ZNF845: variants seen among roughly 807,000 people sequenced by gnomAD.
The protein encoded by ZNF845 is zinc finger protein 845.
In ZNF845, 59 loss-of-function variants were observed where a neutral mutation model predicts 76.1. The observed-to-expected ratio is 0.78, with a 90% CI of 0.63 to 0.96. ZNF845 has a LOEUF of 0.96. ZNF845 is among the 40% of genes least tolerant of loss of function. The pLI is 0.00. For synonymous variants in ZNF845, 361 were observed against 386.9 expected (o/e 0.93, Z 0.78); for missense variants, 1,045 against 1,172.8 (o/e 0.89, Z 1.59).
chr19:53,345,818 G>A (rs1345743555), intron 3 of ZNF845, among the ~76,000 whole-genome samples, 186 bp downstream of exon 3: 1 of 151,050 alleles, frequency 6.6e-6, no homozygotes, highest in Non-Finnish European at 1.5e-5. Flanking sequence ...CCAGTAGCTG[G>A]TACAGGTGCA....
chr19:53,333,894 T>A (rs2085193581), intron 1 of ZNF845, 102 bp downstream of exon 1: 1 of 155,392 alleles, frequency 6.4e-6, no homozygotes, highest in African/African-American at 2.4e-5. Flanking sequence ...TTCTCACCCG[T>A]GTTCCTTCAC....
Position 53,341,520 on chromosome 19 carries a change from C to T in ZNF845, c.15+198C>T, listed in dbSNP as rs369092433. ...CAGTGACATCAACTTGGGAAGAGGCCGCACTGGGCATGGTCCTGGGAAGGG... is the reference window on the plus strand; with the variant it reads ...CAGTGACATCAACTTGGGAAGAGGCTGCACTGGGCATGGTCCTGGGAAGGG... On this transcript the variant is annotated intron_variant, in intron 2 of 3. Coordinates refer to ENST00000458035, the MANE Select transcript of ZNF845 (RefSeq NM_138374.3). Among the ~76,000 whole-genome samples, 74 of 151,918 alleles carry T rather than the reference C, an allele frequency of 4.9e-4. No individual in the cohort carries two copies. The South Asian group carries it at 0.015, about 30-fold the overall frequency.
rs1205183511 is a variant in ZNF845 at position 53,345,515 on chromosome 19, A to G, written c.25A>G (p.Thr9Ala). The G allele has an allele frequency of 1.2e-6, 2 of 1,613,790 alleles. No homozygotes were observed. The highest frequency in any genetic ancestry group is 2.2e-5 in the South Asian group (2 of 91,078). MALSQGLL[T>A]FRDVAIEFSQ... ...TGTGTTTTCATTTCAGGGTCTATTG[A>G]CATTCAGGGATGTGGCCATAGAATT... The change falls in exon 3 of 4, where the codon ACA (threonine) becomes GCA (alanine). Residue 9 changes from threonine to alanine, a missense_variant. Thr to Ala is a moderately conservative substitution (Grantham distance 58). Coordinates refer to ENST00000458035, the MANE Select transcript of ZNF845 (RefSeq NM_138374.3).
rs1006256605 is a variant in ZNF845 at position 53,355,940 on chromosome 19, T to A, written c.*2352T>A. 6.6e-6 allele frequency: 1 copy of A among 152,212 alleles called. No homozygotes were observed. The highest frequency in any genetic ancestry group is 1.5e-5 in the Non-Finnish European group (1 of 68,034). 9.4% of individuals were successfully genotyped at this position (152,212 alleles called of 1,614,324 possible). A position where few individuals can be genotyped will look rare whatever the true frequency, so the allele number is the denominator to read the frequency against. On this transcript the variant is annotated 3_prime_UTR_variant, in exon 4 of 4. Transcript: ENST00000458035. Reference sequence around the variant, plus strand: ...CTGTGCAAGTGTGTATCCCATTGATTTGAGTATGTTGAACCATCCTTGCAT... The same window carrying A: ...CTGTGCAAGTGTGTATCCCATTGATATGAGTATGTTGAACCATCCTTGCAT...
Position 53,355,873 on chromosome 19 carries a change from TTTTCTC to T in ZNF845, c.*2287_*2292del, listed in dbSNP as rs1308271573. The T allele has an allele frequency of 2.0e-5, 3 of 152,212 alleles. No individual in the cohort carries two copies. Among genetic ancestry groups the T allele is most frequent in the African/African-American group, 7.2e-5 (3 of 41,456 alleles). 9.4% of individuals were successfully genotyped at this position (152,212 alleles called of 1,614,324 possible). A position where few individuals can be genotyped will look rare whatever the true frequency, so the allele number is the denominator to read the frequency against. Reference sequence around the variant, plus strand: ...TGAATATTGAGTTCTGTGAAATGCTTTTTCTCTATCTATTGAGATAATGTGTTTTTT... The same window carrying T: ...TGAATATTGAGTTCTGTGAAATGCTTTATCTATTGAGATAATGTGTTTTTT... On this transcript the variant is annotated 3_prime_UTR_variant, in exon 4 of 4. Coordinates refer to ENST00000458035, the MANE Select transcript of ZNF845 (RefSeq NM_138374.3).
At position 53,353,433 on chromosome 19, in the gene ZNF845, T is replaced by C. The variant is rs911555294; in HGVS notation, c.2758T>C (p.Cys920Arg). Residue 920 changes from cysteine (C) to arginine (R), a missense_variant, in exon 4 of 4, where the codon TGT becomes CGT. By Grantham distance (180) the Cys-to-Arg change is radical (BLOSUM62 -3). Transcript: ENST00000458035. The stretch of plus-strand genomic sequence containing the variant: ...AGAGAAACCTTACAAGTGTAATGAG[T>C]GTGGCAAAACCTTCCGTCACAATTC... Reference protein sequence around the residue: ...TGEKPYKCNECGKTFRHNSVL... With the variant: ...TGEKPYKCNERGKTFRHNSVL... 2 of 1,613,226 alleles carry C rather than the reference T, an allele frequency of 1.2e-6. No homozygotes were observed. The highest frequency in any genetic ancestry group is 2.7e-5 in the African/African-American group (2 of 74,824).
In ZNF845 at chr19:53,351,248, C is replaced by G. The variant is rs73057056; in HGVS notation, c.573C>G (p.Asn191Lys). ...GGCCTAAAACCCACATTTCTAAGAA[C>G]TATGGGAATAATTTCCTGAATTCTT... ...SCRPKTHISK[N>K]YGNNFLNSSL... is the part of the protein sequence containing the mutation. Residue 191 changes from asparagine (N) to lysine (K), a missense_variant, in exon 4 of 4, where the codon AAC (asparagine) becomes AAG (lysine). Physicochemically the swap from Asn to Lys is moderately conservative, Grantham distance 94. Transcript: ENST00000458035. 2.2e-3 allele frequency: 3,590 copies of G among 1,614,186 alleles called. 10 individuals carry two copies. The Middle Eastern group carries it at 0.025, about 11-fold the overall frequency.
intron 1 of ZNF845, among the ~76,000 whole-genome samples, chr19:53,338,266 G>A (rs1450126839): frequency 1.3e-5 from 2 of 152,298 alleles, no homozygotes; most frequent in East Asian, 1.9e-4. Flanking sequence ...GCCTCACTAA[G>A]GTCAGAAAGC....
Position 53,353,318 on chromosome 19 carries a change from T to C in ZNF845, c.2643T>C (p.His881=), listed in dbSNP as rs1004622126. Reference sequence around the variant, plus strand: ...ACCTTTCACGTCATCATAGACTTCATACTGGAGAGAAACCTTACAAGTGTA... The same window carrying C: ...ACCTTTCACGTCATCATAGACTTCACACTGGAGAGAAACCTTACAAGTGTA... ...KANLSRHHRL[H]TGEKPYKCNK... The change falls in exon 4 of 4, where the codon CAT becomes CAC. Residue 881 remains histidine, a synonymous_variant. Coordinates refer to ENST00000458035, the MANE Select transcript of ZNF845 (RefSeq NM_138374.3). 1.2e-6 allele frequency: 2 copies of C among 1,613,580 alleles called. No individual in the cohort carries two copies. The highest frequency in any genetic ancestry group is 2.7e-5 in the African/African-American group (2 of 74,842).
rs398035035 is a variant in ZNF845, at chr19:53,336,633, CTTTT to C, written c.-74+2858_-74+2861del. Among the ~76,000 whole-genome samples the C allele has an allele frequency of 2.4e-3, 224 of 92,436 alleles. 1 individual carries two copies. The highest frequency in any genetic ancestry group is 8.5e-3 in the African/African-American group (188 of 22,000). The allele number at this position is 92,436 out of a possible 152,430, so 60.6% of individuals were successfully genotyped here. ...TTCCTCTTCCTTCCTTTCTTTCTTT[CTTTT>C]TTTTTTTTTTTTTTTTGCAGTTTTA... On this transcript the variant is annotated intron_variant, in intron 1 of 3. Coordinates refer to ENST00000458035, the MANE Select transcript of ZNF845 (RefSeq NM_138374.3).
chr19:53,342,050 C>T (rs1052049064), intron 2 of ZNF845, among the ~76,000 whole-genome samples: 2 of 151,864 alleles, frequency 1.3e-5, no homozygotes, highest in Non-Finnish European at 2.9e-5. Flanking sequence ...AGCAGTACTT[C>T]ATTTTTATCC....
intron 1 of ZNF845, among the ~76,000 whole-genome samples, chr19:53,338,058 A>T (rs2085228468): frequency 6.6e-6 from 1 of 151,962 alleles, no homozygotes; most frequent in Non-Finnish European, 1.5e-5. Flanking sequence ...TCTTTGGAGG[A>T]TGCACAGTTC....
chr19:53,344,112 A>G (rs1356377515), intron 2 of ZNF845, among the ~76,000 whole-genome samples: 1 of 152,068 alleles, frequency 6.6e-6, no homozygotes, highest in Non-Finnish European at 1.5e-5. Context: ...TAACTGGGAT[A>G]ACAGGCATGT....
intron 3 of ZNF845, chr19:53,346,389 T>C (rs1291609719): frequency 9.4e-6 from 4 of 426,938 alleles, no homozygotes; most frequent in African/African-American, 2.1e-5. Context: ...GCTCTCGTGC[T>C]CAAAAAATTC....
At chr19:53,345,448 C>T (rs189905153) in intron 2 of ZNF845, 58 bp from the exon 3 acceptor site, 15 of 1,611,186 alleles carry the variant, frequency 9.3e-6, no homozygotes, top group African/African-American at 5.3e-5. Context: ...CTTCTCATTT[C>T]GTGTAAAGAT....
chr19:53,351,213 A>G lies in ZNF845; in HGVS notation c.538A>G (p.Ile180Val). Reference protein sequence around the residue: ...SASLVSTSQRISCRPKTHISK... With the variant: ...SASLVSTSQRVSCRPKTHISK... The stretch of plus-strand genomic sequence containing the variant: ...TTCGTTGGTTTCAACATCCCAAAGA[A>G]TTTCTTGTAGGCCTAAAACCCACAT... The change falls in exon 4 of 4, where the codon ATT becomes GTT. Residue 180 changes from isoleucine (I) to valine (V), a missense_variant. Transcript: ENST00000458035. 1 of 1,614,222 alleles carries G rather than the reference A, an allele frequency of 6.2e-7. No individual in the cohort carries two copies. The highest frequency in any genetic ancestry group is 8.5e-7 in the Non-Finnish European group (1 of 1,180,046).
At chr19:53,346,078 C>A (rs1409957995) in intron 3 of ZNF845, among the ~76,000 whole-genome samples, 1 of 152,026 alleles carries the variant, frequency 6.6e-6, no homozygotes, top group Non-Finnish European at 1.5e-5. Context: ...CTTTGGACAA[C>A]ATGTAGTTGG....
chr19:53,343,147 C>G (rs947751499), intron 2 of ZNF845, among the ~76,000 whole-genome samples: 2 of 152,214 alleles, frequency 1.3e-5, no homozygotes, highest in South Asian at 4.1e-4. Flanking sequence ...CTAGTCCTCT[C>G]CTTCCTCCCC....
intron 2 of ZNF845, among the ~76,000 whole-genome samples, chr19:53,344,280 TGTAATC>T (rs1452002224): frequency 1.3e-5 from 2 of 152,204 alleles, no homozygotes; most frequent in East Asian, 3.8e-4. Context: ...GGATCACGCC[TGTAATC>T]CTAGCACTTT....
Sources: gnomAD v4.1 joint callset for allele counts (sites outside exome capture counted in the v4.1 genomes callset) on GRCh38, gnomAD v4.1.1 for gene constraint, MANE v1.5 for transcripts, NCBI Gene and HGNC (gene_info 2026-07-23, HGNC 2026-07-21) for gene names.